TEX14: variants seen among roughly 807,000 people sequenced by gnomAD.
TEX14 encodes testis expressed 14, intercellular bridge forming factor, also known as inactive serine/threonine-protein kinase TEX14.
Under a neutral mutation model 178.6 loss-of-function variants are expected in TEX14, and 168 were observed. That is an observed-to-expected ratio of 0.94 (90% CI 0.83 to 1.07). The LOEUF is 1.07. Ranked by LOEUF, TEX14 falls within the 50% of genes least tolerant of loss-of-function variation. The pLI is 0.00. For synonymous variants in TEX14, 626 were observed against 634.1 expected, an observed-to-expected ratio of 0.99 and a Z score of 0.19; for missense variants, 1,730 against 1,753.6, an observed-to-expected ratio of 0.99 and a Z score of 0.24.
intron 15 of TEX14, among the ~76,000 whole-genome samples, chr17:58,590,566 T>C (rs2045108012): frequency 6.6e-6 from 1 of 151,818 alleles, no homozygotes; most frequent in Non-Finnish European, 1.5e-5. Context: ...TTGTTGTTGT[T>C]GTTGTTTGAG....
At chr17:58,601,605 A>G (rs2045447439) in intron 13 of TEX14, among the ~76,000 whole-genome samples, 1 of 152,108 alleles carries the variant, frequency 6.6e-6, no homozygotes, top group Admixed American at 6.6e-5. Context: ...GAGGCATGAG[A>G]ATCACTTGAA....
In TEX14 at chr17:58,616,318, C is replaced by A. The variant is rs2045871892; in HGVS notation, c.637-13G>T. On this transcript the variant is annotated splice_polypyrimidine_tract_variant and intron_variant, in intron 6 of 31. Transcript: ENST00000349033. ...CAGTAAGATAAAACTGAAACCAAGGCATAGCCTCAAATTATGGGGAGAAGG... is the reference window on the plus strand; with the variant it reads ...CAGTAAGATAAAACTGAAACCAAGGAATAGCCTCAAATTATGGGGAGAAGG... 6.2e-7 allele frequency: 1 copy of A among 1,609,334 alleles called. No individual in the cohort carries two copies. The highest frequency in any genetic ancestry group is 1.1e-5 in the South Asian group (1 of 90,094).
At chr17:58,685,190 T>C (rs1010364834) in intron 1 of TEX14, among the ~76,000 whole-genome samples, 4 of 151,926 alleles carry the variant, frequency 2.6e-5, no homozygotes, top group Non-Finnish European at 4.4e-5. Context: ...TTGAAGCACG[T>C]TGGGAGGCCG....
At chr17:58,686,078 T>C (rs1366103805) in intron 1 of TEX14, among the ~76,000 whole-genome samples, 8 of 150,600 alleles carry the variant, frequency 5.3e-5, no homozygotes, top group East Asian at 2.0e-4. Flanking sequence ...AGGAGGATCA[T>C]GGTGGCTCGC....
Position 58,556,776 on chromosome 17 carries a change from T to G in TEX14, c.*235A>C, listed in dbSNP as rs2044144329. 1 of 463,972 alleles carries G rather than the reference T, an allele frequency of 2.2e-6. No individual in the cohort carries two copies. Among genetic ancestry groups the G allele is most frequent in the Middle Eastern group, 5.3e-4 (1 of 1,878 alleles). The allele number at this position is 463,972 out of a possible 1,614,324, so 28.7% of individuals were successfully genotyped here. On this transcript the variant is annotated 3_prime_UTR_variant, in exon 32 of 32. Coordinates refer to ENST00000349033, the MANE Select transcript of TEX14 (RefSeq NM_031272.5). ...AAGCCATTCTAGGCACAACCAAAAA[T>G]TTTTACTATCAAAACTACCTCTCAC...
chr17:58,683,457 GATT>G (rs778419975), intron 1 of TEX14, among the ~76,000 whole-genome samples: 2 of 150,444 alleles, frequency 1.3e-5, no homozygotes, highest in African/African-American at 4.9e-5. Context: ...GAATCTAGTA[GATT>G]ATTTAAAAAG....
At chr17:58,613,788 T>G (rs368544179) in intron 8 of TEX14, among the ~76,000 whole-genome samples, 1 of 152,148 alleles carries the variant, frequency 6.6e-6, no homozygotes, top group Non-Finnish European at 1.5e-5. Flanking sequence ...TGCCTCAGGC[T>G]TCCAAGTAGC....
At position 58,616,312 on chromosome 17, in the gene TEX14, C is replaced by G. The variant is rs759250335; in HGVS notation, c.637-7G>C. 6.2e-7 allele frequency: 1 copy of G among 1,610,928 alleles called. No homozygotes were observed. The highest frequency in any genetic ancestry group is 8.5e-7 in the Non-Finnish European group (1 of 1,178,942). Reference sequence around the variant, plus strand: ...TCGCCCCAGTAAGATAAAACTGAAACCAAGGCATAGCCTCAAATTATGGGG... The same window carrying G: ...TCGCCCCAGTAAGATAAAACTGAAAGCAAGGCATAGCCTCAAATTATGGGG... On this transcript the variant is annotated splice_polypyrimidine_tract_variant and splice_region_variant and intron_variant, in intron 6 of 31. Coordinates refer to ENST00000349033, the MANE Select transcript of TEX14 (RefSeq NM_031272.5).
At chr17:58,684,232 C>G (rs890726152) in intron 1 of TEX14, among the ~76,000 whole-genome samples, 2 of 151,728 alleles carry the variant, frequency 1.3e-5, no homozygotes, top group Admixed American at 6.6e-5. Context: ...GAGGCCTTGG[C>G]GGGTGGATCA....
chr17:58,600,426 T>G (rs1467380047), intron 13 of TEX14, among the ~76,000 whole-genome samples: 1 of 151,814 alleles, frequency 6.6e-6, no homozygotes, highest in African/African-American at 2.4e-5. Context: ...CCAGGCATGG[T>G]GGTGCATGCC....
chr17:58,632,670 A>AG (rs1315470275), intron 2 of TEX14, among the ~76,000 whole-genome samples: 7 of 152,232 alleles, frequency 4.6e-5, no homozygotes, highest in African/African-American at 1.7e-4. Flanking sequence ...GTAACCGCAC[A>AG]GCTCACGCAC....
At chr17:58,622,750 T>C in intron 4 of TEX14, 97 bp downstream of exon 4, 2 of 1,243,840 alleles carry the variant, frequency 1.6e-6, no homozygotes, top group Admixed American at 4.5e-5. Context: ...GTACCAATAC[T>C]AAGGCCACTG....
intron 1 of TEX14, among the ~76,000 whole-genome samples, chr17:58,683,239 GGCAC>G (rs1466386065): frequency 6.6e-6 from 1 of 151,414 alleles, no homozygotes; most frequent in Non-Finnish European, 1.5e-5. Flanking sequence ...TGGGCATGGT[GGCAC>G]GTGTCTGTAA....
At chr17:58,679,659 T>C (rs1215301499) in intron 1 of TEX14, 2 of 152,240 alleles carry the variant, frequency 1.3e-5, no homozygotes, top group African/African-American at 2.4e-5. Flanking sequence ...CCACCTTTAA[T>C]GATCATGTTA....
At chr17:58,685,745 A>G (rs2047579577) in intron 1 of TEX14, among the ~76,000 whole-genome samples, 1 of 151,766 alleles carries the variant, frequency 6.6e-6, no homozygotes, top group African/African-American at 2.4e-5. Context: ...TAATCCCAGC[A>G]GTTTGGGAGG....
intron 1 of TEX14, among the ~76,000 whole-genome samples, chr17:58,659,129 T>C (rs654743): frequency 0.24 from 36,462 of 151,016 alleles, 5,292 homozygotes; most frequent in Middle Eastern, 0.41. Flanking sequence ...AAGCCGTCTT[T>C]TAAACTAGTT....
At chr17:58,561,435 T>A in intron 29 of TEX14, 85 bp downstream of exon 29, 1 of 889,020 alleles carries the variant, frequency 1.1e-6, no homozygotes, top group South Asian at 1.4e-5. Context: ...AATGCCATCA[T>A]CAGGCATTCA....
chr17:58,594,446 G>A (rs1470297510), intron 14 of TEX14, among the ~76,000 whole-genome samples: 1 of 151,546 alleles, frequency 6.6e-6, no homozygotes, highest in Admixed American at 6.6e-5. Context: ...TGATTCCCAG[G>A]CTCAAGAGAT....
At chr17:58,663,916 G>A (rs992930332) in intron 1 of TEX14, among the ~76,000 whole-genome samples, 14 of 152,172 alleles carry the variant, frequency 9.2e-5, no homozygotes, top group African/African-American at 2.9e-4. Flanking sequence ...AGTGGCTCAT[G>A]CCTGCAATCC....
Sources: gnomAD v4.1 joint callset for allele counts (sites outside exome capture counted in the v4.1 genomes callset) on GRCh38, gnomAD v4.1.1 for gene constraint, MANE v1.5 for transcripts, NCBI Gene and HGNC (gene_info 2026-07-23, HGNC 2026-07-21) for gene names.